DPPA2: variants seen among roughly 807,000 people sequenced by gnomAD.
The protein encoded by DPPA2 is developmental pluripotency associated 2, also known as developmental pluripotency-associated protein 2.
In DPPA2, 26 loss-of-function variants were observed where a neutral mutation model predicts 36.2. That is an observed-to-expected ratio of 0.72 (90% CI 0.53 to 1.00). DPPA2 has a LOEUF of 1.00. Ranked by LOEUF, DPPA2 falls within the 50% of genes least tolerant of loss-of-function variation. The pLI is 0.00. For synonymous variants in DPPA2, 113 were observed against 123.2 expected (o/e 0.92, Z 0.55); for missense variants, 361 against 365.1 (o/e 0.99, Z 0.09).
chr3:109,314,198 TTTTA>T (rs140288506), intron 2 of DPPA2, among the ~76,000 whole-genome samples: 5,235 of 152,272 alleles, frequency 0.034, 283 homozygotes, highest in African/African-American at 0.12. Flanking sequence ...TCCATGCCAT[TTTTA>T]TTTATTTATT....
chr3:109,306,764 G>A (rs907246008), intron 6 of DPPA2, among the ~76,000 whole-genome samples: 22 of 150,876 alleles, frequency 1.5e-4, no homozygotes, highest in African/African-American at 4.1e-4. Flanking sequence ...TTGGGAGTTC[G>A]AGACCAGCCT....
chr3:109,298,717 A>AAATAAT (rs56968344), intron 8 of DPPA2, among the ~76,000 whole-genome samples: 71,753 of 141,606 alleles, frequency 0.51, 19,338 homozygotes, highest in East Asian at 0.67. Flanking sequence ...TTCTGTCTAA[A>AAATAAT]AATAATAATA....
intron 7 of DPPA2, among the ~76,000 whole-genome samples, chr3:109,302,515 G>A (rs977067293): frequency 6.6e-6 from 1 of 151,992 alleles, no homozygotes; most frequent in Admixed American, 6.6e-5. Context: ...GAGCAGTGGT[G>A]CGATCTTGCC....
At chr3:109,299,455 T>G (rs541441838) in intron 8 of DPPA2, among the ~76,000 whole-genome samples, 1 of 151,904 alleles carries the variant, frequency 6.6e-6, no homozygotes, top group South Asian at 2.1e-4. Flanking sequence ...AGGCGGAGGT[T>G]GCAGTGAGCT....
intron 8 of DPPA2, among the ~76,000 whole-genome samples, chr3:109,299,861 T>C (rs941416656): frequency 1.3e-5 from 2 of 150,958 alleles, no homozygotes; most frequent in Non-Finnish European, 2.9e-5. Flanking sequence ...GTGCAAGTGA[T>C]CCTCCTGACT....
rs1707514954 is a variant in DPPA2 at position 109,304,563 on chromosome 3, T to C, written c.766A>G (p.Arg256Gly). The C allele has an allele frequency of 6.2e-7, 1 of 1,613,930 alleles. No homozygotes were observed. The highest frequency in any genetic ancestry group is 1.7e-5 in the Admixed American group (1 of 59,972). Residue 256 changes from arginine (R) to glycine (G), a missense_variant, in exon 7 of 9, where the codon AGG becomes GGG. Physicochemically the swap from Arg to Gly is moderately radical, Grantham distance 125. Transcript: ENST00000478945. ...GQAWVPTTHR[R>G]MISLFLLPAC... Reference sequence around the variant, plus strand: ...GGTAACAAGAAGAGAGAAATCATCCTCCTGTGAGTGGTAGGCACCCAGGCC... The same window carrying C: ...GGTAACAAGAAGAGAGAAATCATCCCCCTGTGAGTGGTAGGCACCCAGGCC...
intron 5 of DPPA2, 148 bp from the exon 6 acceptor site, chr3:109,308,441 C>T: frequency 9.5e-7 from 1 of 1,058,020 alleles, no homozygotes. Context: ...CGGCTCACCG[C>T]AACCTCCGCC....
In DPPA2 at chr3:109,303,947, G is replaced by A. The variant is rs140673018; in HGVS notation, c.854+528C>T. The stretch of plus-strand genomic sequence containing the variant: ...AGGTCAGGAGCTTGAGACCAGCCTG[G>A]CCAACATACTGAAACCCTGTCTCTA... On this transcript the variant is annotated intron_variant, in intron 7 of 8. Transcript: ENST00000478945. Among the ~76,000 whole-genome samples the A allele has an allele frequency of 3.9e-3, 593 of 151,436 alleles. 6 individuals are homozygous for A. Among genetic ancestry groups the A allele is most frequent in the African/African-American group, 0.014 (566 of 41,326 alleles).
intron 7 of DPPA2, among the ~76,000 whole-genome samples, chr3:109,301,531 A>C (rs964901948): frequency 1.1e-4 from 16 of 152,014 alleles, no homozygotes; most frequent in Non-Finnish European, 1.5e-5. Flanking sequence ...GCATGCCTGT[A>C]ATCCCAGCTA....
At chr3:109,302,236 G>C (rs1707467945) in intron 7 of DPPA2, among the ~76,000 whole-genome samples, 1 of 152,084 alleles carries the variant, frequency 6.6e-6, no homozygotes, top group Admixed American at 6.6e-5. Flanking sequence ...ACTTCTCTCA[G>C]AACTCTAGAA....
At chr3:109,304,367 A>C in intron 7 of DPPA2, 108 bp downstream of exon 7, 2 of 1,188,388 alleles carry the variant, frequency 1.7e-6, no homozygotes, top group Non-Finnish European at 2.3e-6. Context: ...GTGGCAAATT[A>C]AGAAGACAGC....
At chr3:109,310,949 G>C (rs910605808) in intron 3 of DPPA2, among the ~76,000 whole-genome samples, 1 of 152,006 alleles carries the variant, frequency 6.6e-6, no homozygotes, top group African/African-American at 2.4e-5. Context: ...CTACAGGCTT[G>C]TGCCACCATG....
At chr3:109,298,484 G>A (rs752741663) in intron 8 of DPPA2, among the ~76,000 whole-genome samples, 3 of 146,880 alleles carry the variant, frequency 2.0e-5, no homozygotes, top group Non-Finnish European at 4.5e-5. Flanking sequence ...GGAGCCCAAG[G>A]CGGGTGAATC....
intron 8 of DPPA2, among the ~76,000 whole-genome samples, chr3:109,299,170 C>T (rs1041454915): frequency 7.3e-6 from 1 of 137,662 alleles, no homozygotes; most frequent in Non-Finnish European, 1.6e-5. Flanking sequence ...TCAGCCTGGC[C>T]AAAATGGTGA....
At chr3:109,311,447 A>G (rs1022631193) in intron 3 of DPPA2, among the ~76,000 whole-genome samples, 3 of 152,090 alleles carry the variant, frequency 2.0e-5, no homozygotes, top group Non-Finnish European at 4.4e-5. Context: ...CCTTCTGAAA[A>G]TACTTATTTG....
rs1052393101 is a variant in DPPA2, at chr3:109,308,147, T to G, written c.543A>C (p.Ala181=). The part of the protein sequence containing the change: ...ETNTVEVITS[A]PGAMLASWAR... ...CCCATGATGCCAACATGGCTCCCGG[T>G]GCTGAAGTTATCACTTCAACTGTAT... The change falls in exon 6 of 9, where the codon GCA becomes GCC. Residue 181 remains alanine, a synonymous_variant. Transcript: ENST00000478945. 1 of 1,614,108 alleles carries G rather than the reference T, an allele frequency of 6.2e-7. No homozygotes were observed. Among genetic ancestry groups the G allele is most frequent in the Non-Finnish European group, 8.5e-7 (1 of 1,180,054 alleles).
chr3:109,302,611 G>A (rs1707475466), intron 7 of DPPA2, among the ~76,000 whole-genome samples: 1 of 151,832 alleles, frequency 6.6e-6, no homozygotes, highest in Admixed American at 6.6e-5. Flanking sequence ...ATGCCACTAC[G>A]CCCAGCTAAT....
chr3:109,312,941 G>T (rs1707735781), intron 2 of DPPA2, among the ~76,000 whole-genome samples: 1 of 152,162 alleles, frequency 6.6e-6, no homozygotes, highest in Admixed American at 6.5e-5. Context: ...GGTAGGGCTT[G>T]GGTTTAGAGA....
intron 3 of DPPA2, among the ~76,000 whole-genome samples, chr3:109,311,608 T>C (rs1707710773): frequency 6.6e-6 from 1 of 151,760 alleles, no homozygotes; most frequent in African/African-American, 2.4e-5. Context: ...GGCGTGGTGG[T>C]GGGCGCCTGT....
Sources: gnomAD v4.1 joint callset for allele counts (sites outside exome capture counted in the v4.1 genomes callset) on GRCh38, gnomAD v4.1.1 for gene constraint, MANE v1.5 for transcripts, NCBI Gene and HGNC (gene_info 2026-07-23, HGNC 2026-07-21) for gene names.